The following LMO7 variants were observed in gnomAD, a reference collection of about 807,000 sequenced individuals.
LMO7 encodes LIM domain only protein 7.
In LMO7, 120 loss-of-function variants were observed where a neutral mutation model predicts 206.5. The observed-to-expected ratio is 0.58, with a 90% confidence interval of 0.50 to 0.68. LMO7 has a LOEUF of 0.68. Ranked by LOEUF, LMO7 falls within the 30% of genes least tolerant of loss-of-function variation. The pLI is 0.00. For missense variants in LMO7, 1,959 were observed against 1,957.9 expected, an observed-to-expected ratio of 1.00 and a Z score of -0.01; for synonymous variants, 706 against 681.5, an observed-to-expected ratio of 1.04 and a Z score of -0.56.
intron 1 of LMO7, among the ~76,000 whole-genome samples, chr13:75,700,146 C>T (rs2042186577): frequency 6.6e-6 from 1 of 152,188 alleles, no homozygotes; most frequent in African/African-American, 2.4e-5. Flanking sequence ...TTAGGATGCC[C>T]AGATTTCATA....
intron 4 of LMO7, among the ~76,000 whole-genome samples, chr13:75,771,808 G>A (rs1297666371): frequency 4.6e-5 from 7 of 152,020 alleles, no homozygotes; most frequent in Admixed American, 2.0e-4. Context: ...GATTAATAAT[G>A]TGAAGTTCTA....
At chr13:75,686,340 A>G (rs148793044) in intron 1 of LMO7, among the ~76,000 whole-genome samples, 1 of 152,248 alleles carries the variant, frequency 6.6e-6, no homozygotes, top group Admixed American at 6.5e-5. Context: ...TCCTCTTTAT[A>G]AAATGATCAG....
chr13:75,823,569 A>C lies in LMO7; in HGVS notation c.2645A>C (p.Asp882Ala), dbSNP rs1161023924. Residue 882 changes from aspartate to alanine, a missense_variant, in exon 15 of 31, where the codon GAT (aspartate) becomes GCT (alanine). Asp to Ala is a moderately radical substitution (Grantham distance 126). Coordinates refer to ENST00000377534, the MANE Select transcript of LMO7 (RefSeq NM_001306080.2). ...AAATGATGTTTTCTTATTTAGATGG[A>C]TGATGCTTGGAAGTATAATGGAGAT... ...ISSLPRSYTM[D>A]DAWKYNGDVE... 1 of 1,596,930 alleles carries C rather than the reference A, an allele frequency of 6.3e-7. No homozygotes were observed. Among genetic ancestry groups the C allele is most frequent in the Non-Finnish European group, 8.6e-7 (1 of 1,166,090 alleles).
intron 14 of LMO7, among the ~76,000 whole-genome samples, 200 bp downstream of exon 14, chr13:75,821,809 ATT>A (rs2057598923): frequency 6.6e-6 from 1 of 152,230 alleles, no homozygotes; most frequent in Admixed American, 6.5e-5. Context: ...TAAACTTTAA[ATT>A]CTGTGAAAGT....
At position 75,727,104 on chromosome 13, in the gene LMO7, T is replaced by G. The variant is rs2044545032; in HGVS notation, c.210+6T>G. ...CTACACCAATAGCAGGATTGGTAAG[T>G]AGTAAATTATCTTCACAACTAAATT... On this transcript the variant is annotated splice_donor_region_variant and intron_variant, in intron 3 of 30. Transcript: ENST00000377534. The G allele has an allele frequency of 6.5e-7, 1 of 1,530,352 alleles. No individual in the cohort carries two copies. The highest frequency in any genetic ancestry group is 1.7e-5 in the Admixed American group (1 of 58,866). The allele number at this position is 1,530,352 out of a possible 1,614,324, so 94.8% of individuals were successfully genotyped here. A position where few individuals can be genotyped will look rare whatever the true frequency, so the allele number is the denominator to read the frequency against.
At chr13:75,820,368 C>A (rs1217975830) in intron 13 of LMO7, among the ~76,000 whole-genome samples, 2 of 152,286 alleles carry the variant, frequency 1.3e-5, no homozygotes, top group Middle Eastern at 3.4e-3. Flanking sequence ...AAATCATACA[C>A]CAGTTTGATC....
In LMO7 at chr13:75,649,138, T is replaced by G. The variant is rs181716779; in HGVS notation, c.69+12412T>G. 3.2e-4 allele frequency among the ~76,000 whole-genome samples: 48 copies of G among 152,342 alleles called. No individual in the cohort carries two copies. The East Asian group carries it at 8.3e-3, about 26-fold the overall frequency. On this transcript the variant is annotated intron_variant, in intron 1 of 30. Transcript: ENST00000377534. ...GTAGTCTACTTAGTATGGAAGGTGC[T>G]GATCTGAAGGTAGTAAGAATTACAA...
intron 1 of LMO7, among the ~76,000 whole-genome samples, chr13:75,708,353 G>A (rs2042812930): frequency 6.6e-6 from 1 of 152,126 alleles, no homozygotes; most frequent in South Asian, 2.1e-4. Flanking sequence ...CCTCTTGATT[G>A]GCCCTTTCAT....
At chr13:75,824,405 C>T (rs926812970) in intron 15 of LMO7, among the ~76,000 whole-genome samples, 2 of 152,136 alleles carry the variant, frequency 1.3e-5, no homozygotes, top group Non-Finnish European at 2.9e-5. Context: ...TCGATGGTCC[C>T]TTGTCTCTAA....
chr13:75,652,517 T>C (rs1476139344), intron 1 of LMO7, among the ~76,000 whole-genome samples: 1 of 152,228 alleles, frequency 6.6e-6, no homozygotes, highest in East Asian at 1.9e-4. Context: ...TGAGTCTCTT[T>C]GCTCTTGTGG....
chr13:75,676,244 ATTAT>A (rs1183911567), intron 1 of LMO7, among the ~76,000 whole-genome samples: 1 of 152,150 alleles, frequency 6.6e-6, no homozygotes, highest in Non-Finnish European at 1.5e-5. Context: ...TAACATATTA[ATTAT>A]TTAAGTATGT....
intron 20 of LMO7, among the ~76,000 whole-genome samples, chr13:75,838,918 C>G (rs1363058583): frequency 6.6e-6 from 1 of 152,150 alleles, no homozygotes; most frequent in Non-Finnish European, 1.5e-5. Flanking sequence ...AAGTAATAGT[C>G]AACATTTGAG....
At chr13:75,835,391 G>C (rs2059034438) in intron 18 of LMO7, 52 bp downstream of exon 18, 1 of 1,172,516 alleles carries the variant, frequency 8.5e-7, no homozygotes, top group South Asian at 1.7e-5. Context: ...GCAGCTGTTA[G>C]AATTGTGTAT....
chr13:75,776,580 T>A lies in LMO7; in HGVS notation c.317+15542T>A, dbSNP rs1445162941. 4.6e-5 allele frequency among the ~76,000 whole-genome samples: 7 copies of A among 152,236 alleles called. No homozygotes were observed. In the East Asian group the frequency reaches 1.3e-3, roughly 29 times the overall value. ...TTCGATTGTGATTTCAAAAGAATTTTAATTTCTGAAGACTTTAAAAAATTG... is the reference window on the plus strand; with the variant it reads ...TTCGATTGTGATTTCAAAAGAATTTAAATTTCTGAAGACTTTAAAAAATTG... On this transcript the variant is annotated intron_variant, in intron 4 of 30. Transcript: ENST00000377534.
chr13:75,634,473 G>A (rs1188592175), upstream of LMO7, among the ~76,000 whole-genome samples: 8 of 151,994 alleles, frequency 5.3e-5, no homozygotes, highest in Non-Finnish European at 7.4e-5. Flanking sequence ...GGGGGCGGTG[G>A]CTCACGCCTG....
At chr13:75,744,936 G>A (rs2046716053) in intron 3 of LMO7, among the ~76,000 whole-genome samples, 1 of 152,170 alleles carries the variant, frequency 6.6e-6, no homozygotes, top group Non-Finnish European at 1.5e-5. Flanking sequence ...AAATGCTAGA[G>A]GTGATGAAAT....
At chr13:75,787,300 A>G (rs2052589412) in intron 4 of LMO7, among the ~76,000 whole-genome samples, 2 of 152,240 alleles carry the variant, frequency 1.3e-5, no homozygotes, top group Non-Finnish European at 2.9e-5. Context: ...GAAAAGAAGC[A>G]TTATAAGTCT....
chr13:75,783,996 A>T (rs2051984600), intron 4 of LMO7, among the ~76,000 whole-genome samples: 3 of 152,284 alleles, frequency 2.0e-5, no homozygotes, highest in Non-Finnish European at 1.5e-5. Flanking sequence ...AGATCCACCG[A>T]AACAGTGGTT....
intron 1 of LMO7, among the ~76,000 whole-genome samples, chr13:75,706,050 A>G (rs762571634): frequency 3.2e-4 from 48 of 152,316 alleles, no homozygotes; most frequent in Middle Eastern, 6.8e-3. Flanking sequence ...GCAAGTGCTA[A>G]GTGTTTCATG....
Sources: allele counts gnomAD v4.1 joint callset (sites outside exome capture counted in the v4.1 genomes callset), GRCh38; gene constraint gnomAD v4.1.1; transcripts MANE v1.5; gene names NCBI Gene and HGNC (gene_info 2026-07-23, HGNC 2026-07-21).